The following CDH13 variants were observed in gnomAD, a reference collection of about 807,000 sequenced individuals.
The protein encoded by CDH13 is cadherin 13.
Under a neutral mutation model 63.8 loss-of-function variants are expected in CDH13, and 24 were observed. The observed-to-expected ratio is 0.38, with a 90% confidence interval of 0.27 to 0.53. The LOEUF (loss-of-function observed/expected upper bound fraction) is 0.53. Ranked by LOEUF, CDH13 falls within the 20% of genes least tolerant of loss-of-function variation. CDH13 has a pLI of 0.85. For missense variants in CDH13, 1,049 were observed against 903.1 expected (o/e 1.16, Z -2.07); for synonymous variants, 503 against 355.3 (o/e 1.42, Z -4.67).
chr16:83,351,516 C>G (rs918005863), intron 6 of CDH13, among the ~76,000 whole-genome samples: 8 of 152,068 alleles, frequency 5.3e-5, no homozygotes, highest in African/African-American at 1.7e-4. Context: ...GTAAATCTCT[C>G]TCTTCACTCC....
At chr16:83,093,548 G>T (rs537137222) in intron 3 of CDH13, among the ~76,000 whole-genome samples, 77 of 151,974 alleles carry the variant, frequency 5.1e-4, no homozygotes, top group Non-Finnish European at 8.5e-4. Context: ...TCGAACTCCT[G>T]ACCTCAGGTG....
At chr16:82,849,239 C>T (rs1227486113) in intron 1 of CDH13, among the ~76,000 whole-genome samples, 3 of 152,308 alleles carry the variant, frequency 2.0e-5, no homozygotes, top group East Asian at 1.9e-4. Flanking sequence ...CACAGTGGCT[C>T]ACACCTGTGA....
intron 6 of CDH13, 92 bp downstream of exon 6, chr16:83,345,098 C>G: frequency 7.1e-7 from 1 of 1,411,036 alleles, no homozygotes; most frequent in Non-Finnish European, 9.7e-7. Flanking sequence ...ATGGCTGTTC[C>G]AACTTGTCAG....
intron 4 of CDH13, among the ~76,000 whole-genome samples, chr16:83,189,768 C>A (rs1441114140): frequency 1.3e-5 from 2 of 152,210 alleles, no homozygotes; most frequent in Non-Finnish European, 2.9e-5. Context: ...TGTGGTTTGG[C>A]TGTGTCCCCA....
intron 7 of CDH13, among the ~76,000 whole-genome samples, chr16:83,561,804 T>C (rs1188574209): frequency 1.3e-5 from 2 of 152,186 alleles, no homozygotes; most frequent in African/African-American, 4.8e-5. Flanking sequence ...AACTACAACA[T>C]TGTTCCACAG....
intron 1 of CDH13, among the ~76,000 whole-genome samples, chr16:82,635,733 T>G (rs1908572001): frequency 1.3e-5 from 2 of 152,160 alleles, no homozygotes; most frequent in East Asian, 3.8e-4. Context: ...GGTTTGGGTC[T>G]CTGTCCCCAC....
chr16:83,678,094 C>T (rs1915111227), intron 9 of CDH13, 114 bp from the exon 10 acceptor site: 1 of 1,048,648 alleles, frequency 9.5e-7, no homozygotes, highest in East Asian at 2.5e-5. Flanking sequence ...CTCCAAAGCC[C>T]AGCTCCATCC....
chr16:83,749,411 A>C lies in CDH13; in HGVS notation c.1681+1161A>C, dbSNP rs537848471. Among the ~76,000 whole-genome samples, 6 of 152,326 alleles carry C rather than the reference A, an allele frequency of 3.9e-5. No individual in the cohort carries two copies. The South Asian group carries it at 1.2e-3, about 32-fold the overall frequency. On this transcript the variant is annotated intron_variant, in intron 11 of 13. Coordinates refer to ENST00000567109, the MANE Select transcript of CDH13 (RefSeq NM_001257.5). Reference sequence around the variant, plus strand: ...GACGGGTAGGATTCGGATGAGTGGCATTACCCAGAAATCCAAGGCAGAGGA... The same window carrying C: ...GACGGGTAGGATTCGGATGAGTGGCCTTACCCAGAAATCCAAGGCAGAGGA...
chr16:82,757,006 C>T (rs1051004044), intron 1 of CDH13, among the ~76,000 whole-genome samples: 1 of 152,122 alleles, frequency 6.6e-6, no homozygotes, highest in Non-Finnish European at 1.5e-5. Context: ...CTTTCCTTTT[C>T]CTCTTTCTTT....
At chr16:83,191,462 T>TAGATAGAG (rs768560727) in intron 4 of CDH13, among the ~76,000 whole-genome samples, 1 of 105,566 alleles carries the variant, frequency 9.5e-6, no homozygotes. Flanking sequence ...ATAGGAAATA[T>TAGATAGAG]ATATATATAT....
intron 2 of CDH13, among the ~76,000 whole-genome samples, chr16:82,890,953 G>T (rs573325952): frequency 6.6e-6 from 1 of 151,850 alleles, no homozygotes; most frequent in East Asian, 1.9e-4. Flanking sequence ...TGCCTGGCCG[G>T]CAGCAATTCT....
At chr16:82,784,658 TA>T (rs1384813035) in intron 1 of CDH13, among the ~76,000 whole-genome samples, 2 of 152,036 alleles carry the variant, frequency 1.3e-5, no homozygotes, top group Admixed American at 6.6e-5. Flanking sequence ...ATAAGGGTCA[TA>T]GGGGAAAACT....
chr16:83,325,495 T>C (rs1214035437), intron 5 of CDH13, among the ~76,000 whole-genome samples: 1 of 152,206 alleles, frequency 6.6e-6, no homozygotes, highest in Admixed American at 6.5e-5. Context: ...TTGCGAGTCA[T>C]GCAGACCCTT....
intron 10 of CDH13, among the ~76,000 whole-genome samples, chr16:83,686,684 CAT>C (rs1456357353): frequency 1.3e-5 from 2 of 152,084 alleles, no homozygotes; most frequent in African/African-American, 2.4e-5. Flanking sequence ...TAATTTCAAA[CAT>C]GTGATAGGAA....
chr16:83,469,803 G>A (rs1396620178), intron 6 of CDH13, among the ~76,000 whole-genome samples: 1 of 152,130 alleles, frequency 6.6e-6, no homozygotes, highest in Non-Finnish European at 1.5e-5. Flanking sequence ...CTGCGGTGGG[G>A]GATGGGACTG....
chr16:82,629,339 A>C (rs79851264), intron 1 of CDH13, among the ~76,000 whole-genome samples: 90 of 152,364 alleles, frequency 5.9e-4, no homozygotes, highest in African/African-American at 2.1e-3. Flanking sequence ...ATTGTTATGC[A>C]TATCAGAGCA....
chr16:83,776,082 G>A (rs550200840), intron 11 of CDH13, among the ~76,000 whole-genome samples: 22 of 152,152 alleles, frequency 1.4e-4, no homozygotes, highest in Middle Eastern at 3.4e-3. Context: ...TTAACTCATC[G>A]CCCAAAGTAA....
intron 2 of CDH13, among the ~76,000 whole-genome samples, chr16:82,979,647 G>A (rs368774691): frequency 1.8e-4 from 27 of 152,250 alleles, no homozygotes; most frequent in South Asian, 8.3e-4. Context: ...TTCCCAAGCC[G>A]TGCAGAATTG....
chr16:82,774,194 T>A (rs1032485213), intron 1 of CDH13, among the ~76,000 whole-genome samples: 1 of 152,142 alleles, frequency 6.6e-6, no homozygotes, highest in Non-Finnish European at 1.5e-5. Flanking sequence ...TGGTTAAGAA[T>A]ATAGGCTCTT....
Sources: allele counts gnomAD v4.1 joint callset (sites outside exome capture counted in the v4.1 genomes callset), GRCh38; gene constraint gnomAD v4.1.1; transcripts MANE v1.5; gene names NCBI Gene and HGNC (gene_info 2026-07-23, HGNC 2026-07-21).